The following PRDM16 variants were observed in gnomAD, a reference collection of about 807,000 sequenced individuals.
The protein encoded by PRDM16 is PR/SET domain 16.
In PRDM16, 23 loss-of-function variants were observed where a neutral mutation model predicts 110.6. The observed-to-expected ratio is 0.21, with a 90% CI of 0.15 to 0.29. The LOEUF is 0.29. Among genes scored for constraint, PRDM16 ranks in the 10% least tolerant of loss-of-function variants. The pLI is 1.00. For synonymous variants in PRDM16, 799 were observed against 781.8 expected (o/e 1.02, Z -0.37); for missense variants, 1,615 against 1,794.3 (o/e 0.90, Z 1.81).
Position 3,385,398 on chromosome 1 carries a change from C to A in PRDM16, c.573+112C>A, listed in dbSNP as rs78743764. 19,777 of 1,210,436 alleles carry A rather than the reference C, an allele frequency of 0.016. 212 individuals are homozygous for A. The highest frequency in any genetic ancestry group is 0.021 in the Non-Finnish European group (17,254 of 836,196). 75.0% of individuals were successfully genotyped at this position (1,210,436 alleles called of 1,614,324 possible). A position where few individuals can be genotyped will look rare whatever the true frequency, so the allele number is the denominator to read the frequency against. ...AGGGTTGTCTGAGCCTCTTTGGGGA[C>A]ATCTGCCAAGCCCTGGCCTGCAGTG... On this transcript the variant is annotated intron_variant, in intron 4 of 16. Coordinates refer to ENST00000270722, the MANE Select transcript of PRDM16 (RefSeq NM_022114.4).
chr1:3,320,989 G>C (rs1570064733), intron 3 of PRDM16, among the ~76,000 whole-genome samples: 1 of 152,212 alleles, frequency 6.6e-6, no homozygotes, highest in Admixed American at 6.5e-5. Flanking sequence ...GACGAAACGC[G>C]TGCCCTTCCT....
Position 3,390,614 on chromosome 1 carries a change from G to A in PRDM16, c.573+5328G>A, listed in dbSNP as rs996181205. 6.6e-6 allele frequency among the ~76,000 whole-genome samples: 1 copy of A among 152,140 alleles called. No homozygotes were observed. Among genetic ancestry groups the A allele is most frequent in the Non-Finnish European group, 1.5e-5 (1 of 68,014 alleles). ...GGCAGCACCGCGTGGACAAGAGCCCGCGCGGGTTGTTCATGAGAACCAGGT... is the reference window on the plus strand; with the variant it reads ...GGCAGCACCGCGTGGACAAGAGCCCACGCGGGTTGTTCATGAGAACCAGGT... On this transcript the variant is annotated intron_variant, in intron 4 of 16. Transcript: ENST00000270722. The surrounding 1 kb of genome is among the most constrained non-coding windows in gnomAD (Gnocchi z 5.0).
intron 11 of PRDM16, 117 bp from the exon 12 acceptor site, chr1:3,418,550 G>A (rs1458181090): frequency 1.5e-5 from 11 of 713,172 alleles, no homozygotes; most frequent in Non-Finnish European, 2.3e-5. Context: ...TGCTGGGATG[G>A]GTCCACCTGT....
At chr1:3,352,434 G>T (rs1034422161) in intron 3 of PRDM16, among the ~76,000 whole-genome samples, 3 of 152,132 alleles carry the variant, frequency 2.0e-5, no homozygotes, top group South Asian at 2.1e-4. Context: ...CTTGCTGCCC[G>T]CAGTGGGCTG....
In PRDM16 at chr1:3,157,589, T is replaced by C. The variant is rs372280508; in HGVS notation, c.38-28536T>C. ...CTGTAGGTTACAGAGAAGTCATGGGTGGGGAATTACAGGGAAAGTGGACCT... is the reference window on the plus strand; with the variant it reads ...CTGTAGGTTACAGAGAAGTCATGGGCGGGGAATTACAGGGAAAGTGGACCT... On this transcript the variant is annotated intron_variant, in intron 1 of 16. Transcript: ENST00000270722. This position sits in a 1 kb window ranked among gnomAD's most constrained non-coding sequence, Gnocchi z 4.8. Among the ~76,000 whole-genome samples the C allele has an allele frequency of 5.3e-5, 8 of 152,170 alleles. No homozygotes were observed. The highest frequency in any genetic ancestry group is 1.9e-4 in the African/African-American group (8 of 41,498).
At chr1:3,252,942 A>C (rs1639966807) in intron 3 of PRDM16, among the ~76,000 whole-genome samples, 1 of 152,078 alleles carries the variant, frequency 6.6e-6, no homozygotes, top group Admixed American at 6.5e-5. Flanking sequence ...GTGCTCGTGG[A>C]GATGTGGCAT....
intron 3 of PRDM16, among the ~76,000 whole-genome samples, chr1:3,301,569 G>A (rs1421805074): frequency 6.6e-6 from 1 of 152,140 alleles, no homozygotes; most frequent in Non-Finnish European, 1.5e-5. Flanking sequence ...CACCTCTGGC[G>A]GAGCCCAGCT....
At chr1:3,084,213 T>C (rs1193071873) in intron 1 of PRDM16, among the ~76,000 whole-genome samples, 1 of 152,080 alleles carries the variant, frequency 6.6e-6, no homozygotes, top group African/African-American at 2.4e-5. Context: ...CCCTGGGGCG[T>C]CTGGGGGCCT....
intron 3 of PRDM16, among the ~76,000 whole-genome samples, chr1:3,338,221 G>A (rs1294518024): frequency 6.6e-6 from 1 of 152,234 alleles, no homozygotes. Context: ...GCAGGAGAAG[G>A]GGGCATACTG....
At chr1:3,327,401 A>C (rs865985682) in intron 3 of PRDM16, among the ~76,000 whole-genome samples, 23 of 152,260 alleles carry the variant, frequency 1.5e-4, no homozygotes, top group African/African-American at 4.3e-4. Context: ...GTGGACACCC[A>C]GTCCCAACAG....
intron 3 of PRDM16, among the ~76,000 whole-genome samples, chr1:3,329,910 G>A (rs1390853651): frequency 1.3e-5 from 2 of 152,256 alleles, no homozygotes; most frequent in Non-Finnish European, 2.9e-5. Flanking sequence ...GCCGAGTCCC[G>A]CCAGCTGGGA....
Position 3,347,105 on chromosome 1 carries a change from C to A in PRDM16, c.439-38047C>A, listed in dbSNP as rs562403717. ...AGGAAACCCAGGTGCCCAGTCTTTC[C>A]GGGGAGGGTGGAGGGGGTCAGTGTA... is the stretch of plus-strand genomic sequence containing the variant. On this transcript the variant is annotated intron_variant, in intron 3 of 16. Coordinates refer to ENST00000270722, the MANE Select transcript of PRDM16 (RefSeq NM_022114.4). Among the ~76,000 whole-genome samples the A allele has an allele frequency of 5.3e-5, 8 of 152,272 alleles. 1 individual carries two copies. The South Asian group carries it at 1.2e-3, about 24-fold the overall frequency.
At chr1:3,417,479 C>T (rs990674602) in intron 10 of PRDM16, among the ~76,000 whole-genome samples, 7 of 152,224 alleles carry the variant, frequency 4.6e-5, no homozygotes, top group South Asian at 2.1e-4. Flanking sequence ...GGCATTTTGC[C>T]GGCCTGGGTC....
chr1:3,337,055 G>T (rs1242573594), intron 3 of PRDM16, among the ~76,000 whole-genome samples: 2 of 151,626 alleles, frequency 1.3e-5, no homozygotes, highest in Non-Finnish European at 2.9e-5. Flanking sequence ...ATGCACATCT[G>T]TTGGTGTGAA....
chr1:3,327,478 G>A lies in PRDM16; in HGVS notation c.439-57674G>A, dbSNP rs929379795. ...CGTTGTCTTTCAACGCTCATCCCAC[G>A]GTCAGGACCAACAACGGCGGCGGCC... On this transcript the variant is annotated intron_variant, in intron 3 of 16. Coordinates refer to ENST00000270722, the MANE Select transcript of PRDM16 (RefSeq NM_022114.4). Among the ~76,000 whole-genome samples the A allele has an allele frequency of 7.5e-5, 11 of 146,324 alleles. 1 individual carries two copies. Among genetic ancestry groups the A allele is most frequent in the African/African-American group, 2.5e-4 (10 of 40,358 alleles).
intron 3 of PRDM16, among the ~76,000 whole-genome samples, chr1:3,295,424 C>T (rs554175308): frequency 3.3e-5 from 5 of 152,150 alleles, no homozygotes; most frequent in Non-Finnish European, 1.5e-5. Context: ...CACGGAGGTG[C>T]GACTTCCTCC....
intron 10 of PRDM16, among the ~76,000 whole-genome samples, chr1:3,415,404 G>A (rs981620244): frequency 1.3e-5 from 2 of 152,246 alleles, no homozygotes; most frequent in African/African-American, 2.4e-5. Flanking sequence ...AGACCAGACC[G>A]GGGCATTGTT....
In PRDM16 at chr1:3,209,335, C is replaced by T. The variant is rs889094744; in HGVS notation, c.387+22861C>T. On this transcript the variant is annotated intron_variant, in intron 2 of 16. Transcript: ENST00000270722. The surrounding 1 kb of genome is among the most constrained non-coding windows in gnomAD (Gnocchi z 4.6). Reference sequence around the variant, plus strand: ...AGGGACAGCACTGCACGTTTGACATCGGGGCACGCAGCTCCGACGTGGCCG... The same window carrying T: ...AGGGACAGCACTGCACGTTTGACATTGGGGCACGCAGCTCCGACGTGGCCG... 6.6e-6 allele frequency among the ~76,000 whole-genome samples: 1 copy of T among 152,204 alleles called. No individual in the cohort carries two copies. The highest frequency in any genetic ancestry group is 1.5e-5 in the Non-Finnish European group (1 of 68,038).
At chr1:3,174,720 C>T (rs1271244220) in intron 1 of PRDM16, among the ~76,000 whole-genome samples, 1 of 152,084 alleles carries the variant, frequency 6.6e-6, no homozygotes, top group Non-Finnish European at 1.5e-5. Flanking sequence ...TCGGTGGCTC[C>T]AAGAGGGCTG....
Sources: gnomAD v4.1 joint callset for allele counts (sites outside exome capture counted in the v4.1 genomes callset) on GRCh38, gnomAD v4.1.1 for gene constraint, Gnocchi (gnomAD v3.1) non-coding constraint, MANE v1.5 for transcripts, NCBI Gene and HGNC (gene_info 2026-07-23, HGNC 2026-07-21) for gene names.